The following RPS6KA2 variants were observed in gnomAD, a reference collection of about 807,000 sequenced individuals.
The protein encoded by RPS6KA2 is ribosomal protein S6 kinase A2.
A neutral mutation model predicts 91.8 loss-of-function variants in RPS6KA2; 42 were observed. The ratio of observed to expected loss-of-function variants is 0.46; its 90% CI spans 0.36 to 0.59. RPS6KA2 has a LOEUF of 0.59. RPS6KA2 is among the 20% of genes least tolerant of loss of function. RPS6KA2 has a pLI of 0.00. For synonymous variants in RPS6KA2, 414 were observed against 393.6 expected (o/e 1.05, Z -0.61); for missense variants, 798 against 978.5 (o/e 0.82, Z 2.46).
At chr6:166,553,043 T>C (rs1432503841) in intron 1 of RPS6KA2, among the ~76,000 whole-genome samples, 1 of 152,248 alleles carries the variant, frequency 6.6e-6, no homozygotes, top group Non-Finnish European at 1.5e-5. Context: ...ATAATATTGC[T>C]GAATGTAAAA....
rs535993957 is a variant in RPS6KA2 at position 166,514,560 on chromosome 6, A to G, written c.299-4203T>C. Among the ~76,000 whole-genome samples the G allele has an allele frequency of 5.3e-5, 8 of 152,330 alleles. No homozygotes were observed. In the East Asian group the frequency reaches 1.5e-3, roughly 29 times the overall value. ...CCAGTGGGCTGGCGCACAGAGCTGC[A>G]GTGCCACACTGATGAGGCCTGCGGG... On this transcript the variant is annotated intron_variant, in intron 3 of 20. Coordinates refer to ENST00000265678, the MANE Select transcript of RPS6KA2 (RefSeq NM_021135.6).
intron 2 of RPS6KA2, among the ~76,000 whole-genome samples, chr6:166,742,525 T>A (rs1467084137): frequency 6.6e-6 from 1 of 152,146 alleles, no homozygotes; most frequent in African/African-American, 2.4e-5. Flanking sequence ...TTCTGCCTCC[T>A]CCTGACACAA....
intron 2 of RPS6KA2, among the ~76,000 whole-genome samples, chr6:166,641,501 A>C (rs1293434788): frequency 6.6e-6 from 1 of 151,878 alleles, no homozygotes; most frequent in Non-Finnish European, 1.5e-5. Context: ...AGGTGGGCGG[A>C]TCACTTGAAG....
At chr6:166,436,644 TG>T (rs1779320454) in intron 14 of RPS6KA2, among the ~76,000 whole-genome samples, 1 of 152,246 alleles carries the variant, frequency 6.6e-6, no homozygotes, top group African/African-American at 2.4e-5. Context: ...GCCAGAGGCA[TG>T]GAAGTGGTCC....
At chr6:166,684,923 G>A (rs1583018618) in intron 2 of RPS6KA2, among the ~76,000 whole-genome samples, 1 of 152,226 alleles carries the variant, frequency 6.6e-6, no homozygotes, top group African/African-American at 2.4e-5. Flanking sequence ...AAGAAACATT[G>A]TGCCAGAGGA....
rs554227171 is a variant in RPS6KA2 at position 166,470,785 on chromosome 6, G to A, written c.908-880C>T. 2.8e-3 allele frequency among the ~76,000 whole-genome samples: 429 copies of A among 152,314 alleles called. 1 individual carries two copies. The highest frequency in any genetic ancestry group is 4.4e-3 in the Non-Finnish European group (300 of 68,012). On this transcript the variant is annotated intron_variant, in intron 10 of 20. Coordinates refer to ENST00000265678, the MANE Select transcript of RPS6KA2 (RefSeq NM_021135.6). ...GCGGTGGGGCAGGGAGTGAGGGGCCGTGGAATCTTGCTGCAGTTTCTGTTC... is the reference window on the plus strand; with the variant it reads ...GCGGTGGGGCAGGGAGTGAGGGGCCATGGAATCTTGCTGCAGTTTCTGTTC...
intron 2 of RPS6KA2, among the ~76,000 whole-genome samples, chr6:166,755,021 G>A (rs7745851): frequency 7.7e-4 from 117 of 152,192 alleles, no homozygotes; most frequent in African/African-American, 2.6e-3. Flanking sequence ...CAGATTCCAC[G>A]AGCCCCTCCT....
At position 166,476,594 on chromosome 6, in the gene RPS6KA2, G is replaced by A. The variant is rs527996086; in HGVS notation, c.908-6689C>T. ...CTGTCTGGAAATCCAGAGGCTTCCC[G>A]CTGGTGGGGGCTCATTAAGGAAGAG... is the stretch of plus-strand genomic sequence containing the variant. On this transcript the variant is annotated intron_variant, in intron 10 of 20. Transcript: ENST00000265678. Among the ~76,000 whole-genome samples, 45 of 152,218 alleles carry A rather than the reference G, an allele frequency of 3.0e-4. No individual in the cohort carries two copies. The South Asian group carries it at 4.8e-3, about 16-fold the overall frequency.
At chr6:166,415,135 A>G (rs1778454956) in intron 19 of RPS6KA2, among the ~76,000 whole-genome samples, 1 of 152,252 alleles carries the variant, frequency 6.6e-6, no homozygotes, top group African/African-American at 2.4e-5. Flanking sequence ...ATTTTGGGTC[A>G]TGAAACAACT....
intron 2 of RPS6KA2, among the ~76,000 whole-genome samples, chr6:166,766,848 T>C (rs1425714155): frequency 6.6e-6 from 1 of 152,230 alleles, no homozygotes; most frequent in East Asian, 1.9e-4. Flanking sequence ...TAGCTGCTGG[T>C]ATTTCCTTTT....
chr6:166,454,581 T>C (rs1457241418), intron 12 of RPS6KA2, among the ~76,000 whole-genome samples: 6 of 152,154 alleles, frequency 3.9e-5, no homozygotes, highest in Non-Finnish European at 1.5e-5. Context: ...GTTTCAGTGA[T>C]ATGTGTTACA....
chr6:166,862,225 CAG>C, exon 1 of RPS6KA2: 1 of 1,612,576 alleles, frequency 6.2e-7, no homozygotes, highest in Non-Finnish European at 8.5e-7. Context: ...AGGAAATAAA[CAG>C]AGGCTCGGAC....
chr6:166,574,215 G>C (rs1583292258), intron 1 of RPS6KA2, among the ~76,000 whole-genome samples: 1 of 152,298 alleles, frequency 6.6e-6, no homozygotes, highest in Middle Eastern at 3.4e-3. Context: ...TGTTACGTGG[G>C]TCTATTGCAT....
At chr6:166,699,398 T>C (rs1465345939) in intron 2 of RPS6KA2, among the ~76,000 whole-genome samples, 1 of 152,180 alleles carries the variant, frequency 6.6e-6, no homozygotes, top group Non-Finnish European at 1.5e-5. Flanking sequence ...CAAAAAAAAC[T>C]TGCTTTCTGA....
At chr6:166,425,909 C>T (rs1047947151) in intron 16 of RPS6KA2, among the ~76,000 whole-genome samples, 3 of 152,170 alleles carry the variant, frequency 2.0e-5, no homozygotes, top group African/African-American at 7.2e-5. Context: ...AGAAAGTTAA[C>T]AGGGATACCC....
rs958939879 is a variant in RPS6KA2 at position 166,603,906 on chromosome 6, C to T, written c.99+23015G>A. Among the ~76,000 whole-genome samples, 5 of 152,106 alleles carry T rather than the reference C, an allele frequency of 3.3e-5. No individual in the cohort carries two copies. The highest frequency in any genetic ancestry group is 9.7e-5 in the African/African-American group (4 of 41,412). ...TTGTTTTAGGCAGAAACTGGATTGC[C>T]GCAAAGCTGACATGTTGGAAGGGGT... is the stretch of plus-strand genomic sequence containing the variant. On this transcript the variant is annotated intron_variant, in intron 1 of 20. Transcript: ENST00000265678. The surrounding 1 kb of genome is among the most constrained non-coding windows in gnomAD (Gnocchi z 4.3).
rs543450070 is a variant in RPS6KA2, at chr6:166,768,275, T to C, written c.123+89925A>G. Among the ~76,000 whole-genome samples the C allele has an allele frequency of 9.2e-3, 1,395 of 152,346 alleles. 9 individuals are homozygous for C. Among genetic ancestry groups the C allele is most frequent in the Non-Finnish European group, 0.012 (842 of 68,032 alleles). ...CCCCTTGGAACTGGAACCTCCTTTG[T>C]GTCTTTTCTAAAAGTGATTTTTTTA... On this transcript the variant is annotated intron_variant, in intron 2 of 21. Coordinates refer to the RPS6KA2 transcript ENST00000503859.
intron 6 of RPS6KA2, among the ~76,000 whole-genome samples, chr6:166,503,423 C>T (rs1026524721): frequency 2.0e-5 from 3 of 152,218 alleles, no homozygotes; most frequent in African/African-American, 7.2e-5. Flanking sequence ...TGTCTTTTCT[C>T]AGTTCCATGC....
At chr6:166,456,401 G>A (rs1354492853) in intron 12 of RPS6KA2, among the ~76,000 whole-genome samples, 1 of 152,222 alleles carries the variant, frequency 6.6e-6, no homozygotes, top group Non-Finnish European at 1.5e-5. Flanking sequence ...GATAAAAGGA[G>A]ATGTAGAACT....
Sources: gnomAD v4.1 joint callset for allele counts (sites outside exome capture counted in the v4.1 genomes callset) on GRCh38, gnomAD v4.1.1 for gene constraint, Gnocchi (gnomAD v3.1) non-coding constraint, MANE v1.5 for transcripts, NCBI Gene and HGNC (gene_info 2026-07-23, HGNC 2026-07-21) for gene names.